Variants in SPOCK1 observed in about 807,000 individuals in gnomAD.
SPOCK1 encodes testican-1.
SPOCK1 carries 23 observed loss-of-function variants against 55.3 expected under a neutral mutation model. That is an observed-to-expected ratio of 0.42 (90% CI 0.30 to 0.59). SPOCK1 has a LOEUF of 0.59. Among genes scored for constraint, SPOCK1 ranks in the 20% least tolerant of loss-of-function variants. SPOCK1 has a pLI of 0.22. For synonymous variants in SPOCK1, 226 were observed against 221.0 expected, an observed-to-expected ratio of 1.02 and a Z score of -0.20; for missense variants, 499 against 552.5, an observed-to-expected ratio of 0.90 and a Z score of 0.97.
intron 2 of SPOCK1, among the ~76,000 whole-genome samples, chr5:137,497,665 C>T (rs768784688): frequency 1.3e-5 from 2 of 152,164 alleles, no homozygotes; most frequent in Non-Finnish European, 2.9e-5. Flanking sequence ...TTCTGCGTGT[C>T]CGGGAGTAAC....
At position 137,204,293 on chromosome 5, in the gene SPOCK1, G is replaced by C. The variant is rs183256934; in HGVS notation, c.232+62717C>G. On this transcript the variant is annotated intron_variant, in intron 3 of 10. Transcript: ENST00000394945. ...CCAGTAGCAAAACAGCTTAAAAATA[G>C]AAGACAGTTTTGTAAACCTGATGGA... Among the ~76,000 whole-genome samples, 88 of 152,276 alleles carry C rather than the reference G, an allele frequency of 5.8e-4. 1 individual carries two copies. The highest frequency in any genetic ancestry group is 3.9e-4 in the East Asian group (2 of 5,192).
chr5:137,009,015 A>G (rs551419810), intron 6 of SPOCK1, among the ~76,000 whole-genome samples: 2 of 152,292 alleles, frequency 1.3e-5, no homozygotes, highest in South Asian at 2.1e-4. Flanking sequence ...AAATATGGAA[A>G]AATAACAGAG....
rs1051853 is a variant in SPOCK1 at position 136,978,112 on chromosome 5, T to G, written c.*542A>C. The G allele has an allele frequency of 0.15, 58,044 of 395,610 alleles. 5,447 individuals carry two copies. Among genetic ancestry groups the G allele is most frequent in the African/African-American group, 0.34 (16,334 of 48,574 alleles). The allele number at this position is 395,610 out of a possible 1,614,324, so 24.5% of individuals were successfully genotyped here. ...GCTGTTGTTTATAGGAAGCCAGATA[T>G]AATGATGTGAAAAAAACTAATTTTT... On this transcript the variant is annotated 3_prime_UTR_variant, in exon 11 of 11. Coordinates refer to ENST00000394945, the MANE Select transcript of SPOCK1 (RefSeq NM_004598.4).
intron 3 of SPOCK1, among the ~76,000 whole-genome samples, chr5:137,199,465 C>T (rs569063001): frequency 8.3e-4 from 126 of 152,222 alleles, no homozygotes; most frequent in Non-Finnish European, 1.5e-3. Context: ...ACAAAGTTGA[C>T]GAGGATGGTG....
At chr5:137,470,237 G>A (rs1373937662) in intron 2 of SPOCK1, among the ~76,000 whole-genome samples, 1 of 152,200 alleles carries the variant, frequency 6.6e-6, no homozygotes, top group Non-Finnish European at 1.5e-5. Context: ...TGTTCCACAA[G>A]AGCAGTGTCT....
intron 9 of SPOCK1, among the ~76,000 whole-genome samples, chr5:136,983,488 T>C (rs1750773317): frequency 6.6e-6 from 1 of 152,150 alleles, no homozygotes; most frequent in African/African-American, 2.4e-5. Context: ...CTATCAGTTT[T>C]CAAAGAACAG....
chr5:137,477,057 T>C (rs1753851053), intron 2 of SPOCK1, among the ~76,000 whole-genome samples: 1 of 152,198 alleles, frequency 6.6e-6, no homozygotes. Context: ...ATTGTTATAA[T>C]AGGGAAAAAC....
chr5:136,994,414 T>C (rs1254558940), intron 6 of SPOCK1, among the ~76,000 whole-genome samples: 1 of 152,144 alleles, frequency 6.6e-6, no homozygotes, highest in East Asian at 1.9e-4. Flanking sequence ...CTCCAGCACC[T>C]CGGCTTCCTT....
At chr5:137,424,825 G>A (rs771385031) in intron 2 of SPOCK1, among the ~76,000 whole-genome samples, 2 of 152,218 alleles carry the variant, frequency 1.3e-5, no homozygotes, top group African/African-American at 2.4e-5. Context: ...TCCTGGGACT[G>A]AGGGACTGAG....
intron 2 of SPOCK1, among the ~76,000 whole-genome samples, chr5:137,438,440 G>T (rs1172414993): frequency 6.6e-6 from 1 of 152,134 alleles, no homozygotes; most frequent in Non-Finnish European, 1.5e-5. Context: ...AAACCAGGCA[G>T]CTCCTGGGTA....
At chr5:137,275,695 G>A (rs956619633) in intron 2 of SPOCK1, among the ~76,000 whole-genome samples, 2 of 152,194 alleles carry the variant, frequency 1.3e-5, no homozygotes, top group African/African-American at 4.8e-5. Flanking sequence ...AGCTTCTGGA[G>A]CTTTCCAGAG....
intron 2 of SPOCK1, among the ~76,000 whole-genome samples, chr5:137,343,511 G>C (rs1420919762): frequency 1.3e-5 from 2 of 152,206 alleles, no homozygotes; most frequent in African/African-American, 4.8e-5. Context: ...CTGTGGAAGA[G>C]CCTTGCAGAA....
At chr5:137,281,771 GC>G (rs931291921) in intron 2 of SPOCK1, among the ~76,000 whole-genome samples, 1 of 152,164 alleles carries the variant, frequency 6.6e-6, no homozygotes, top group Non-Finnish European at 1.5e-5. Flanking sequence ...AGGGCTGCCT[GC>G]TGGAATTATT....
intron 6 of SPOCK1, among the ~76,000 whole-genome samples, chr5:137,028,866 A>G (rs1751726416): frequency 6.6e-6 from 1 of 152,154 alleles, no homozygotes; most frequent in Non-Finnish European, 1.5e-5. Flanking sequence ...AGAAAATGAG[A>G]GCTTGAGAGG....
chr5:137,359,124 T>C (rs1750886611), intron 2 of SPOCK1, among the ~76,000 whole-genome samples: 1 of 152,198 alleles, frequency 6.6e-6, no homozygotes, highest in African/African-American at 2.4e-5. Context: ...ATCATGTCCA[T>C]ATGAAGTAAG....
intron 2 of SPOCK1, among the ~76,000 whole-genome samples, chr5:137,285,749 C>G (rs371917742): frequency 6.6e-6 from 1 of 152,122 alleles, no homozygotes; most frequent in East Asian, 1.9e-4. Flanking sequence ...GTAATGGAAG[C>G]CTTTTGCACC....
chr5:136,979,336 G>C lies in SPOCK1; in HGVS notation c.1125C>G (p.Ser375Arg), dbSNP rs776807929. The C allele has an allele frequency of 4.3e-6, 7 of 1,614,074 alleles. No individual in the cohort carries two copies. The highest frequency in any genetic ancestry group is 1.7e-5 in the Admixed American group (1 of 60,004). ...CATGCAGGAGGCCTTACTCACCACA[G>C]CTCACAGCACCCTGTTTCCTGGAGC... is the stretch of plus-strand genomic sequence containing the variant. ...LAGSRKQGAV[S>R]CEEEQETSGD... The change falls in exon 10 of 11, where the codon AGC (serine) becomes AGG (arginine). Residue 375 changes from serine to arginine, a missense_variant. Coordinates refer to ENST00000394945, the MANE Select transcript of SPOCK1 (RefSeq NM_004598.4).
At chr5:137,250,769 G>T (rs1439409235) in intron 3 of SPOCK1, among the ~76,000 whole-genome samples, 1 of 152,164 alleles carries the variant, frequency 6.6e-6, no homozygotes, top group Non-Finnish European at 1.5e-5. Context: ...GGAGTACCAG[G>T]GATATTTACT....
intron 4 of SPOCK1, among the ~76,000 whole-genome samples, chr5:137,121,863 A>G (rs1753690952): frequency 6.8e-6 from 1 of 146,480 alleles, no homozygotes; most frequent in South Asian, 2.1e-4. Context: ...GGTTTTAAAT[A>G]TATAATATAT....
Sources: allele counts gnomAD v4.1 joint callset (sites outside exome capture counted in the v4.1 genomes callset), GRCh38; gene constraint gnomAD v4.1.1; transcripts MANE v1.5; gene names NCBI Gene and HGNC (gene_info 2026-07-23, HGNC 2026-07-21).